The following ROBO2 variants were observed in gnomAD, a reference collection of about 807,000 sequenced individuals.
ROBO2 encodes roundabout homolog 2.
ROBO2 carries 53 observed loss-of-function variants against 160.8 expected under a neutral mutation model. The ratio of observed to expected loss-of-function variants is 0.33; its 90% confidence interval spans 0.26 to 0.41. The LOEUF (loss-of-function observed/expected upper bound fraction) is 0.41. Ranked by LOEUF, ROBO2 falls within the 10% of genes least tolerant of loss-of-function variation. The probability of loss-of-function intolerance (pLI) is 1.00; values close to 1 mark genes in which losing one functional copy is unlikely to be tolerated. For synonymous variants in ROBO2, 664 were observed against 611.7 expected (o/e 1.09, Z -1.26); for missense variants, 1,577 against 1,722.4 (o/e 0.92, Z 1.49).
intron 2 of ROBO2, among the ~76,000 whole-genome samples, chr3:76,991,183 T>C (rs538653572): frequency 3.3e-5 from 5 of 152,258 alleles, no homozygotes; most frequent in African/African-American, 7.2e-5. Context: ...AAATTCTCTC[T>C]TCTGAGGAGG....
intron 2 of ROBO2, among the ~76,000 whole-genome samples, chr3:76,182,299 A>G (rs1316702452): frequency 6.6e-6 from 1 of 152,160 alleles, no homozygotes; most frequent in Non-Finnish European, 1.5e-5. Context: ...TCCTGAACAC[A>G]TATATCCTTT....
intron 2 of ROBO2, among the ~76,000 whole-genome samples, chr3:76,545,436 C>T (rs1189351148): frequency 3.3e-5 from 5 of 151,858 alleles, no homozygotes; most frequent in East Asian, 1.9e-4. Flanking sequence ...CATTTCCCTT[C>T]GAAAATGTGG....
rs1023082173 is a variant in ROBO2, at chr3:76,472,864, G to A, written c.109+535262G>A. 2.0e-5 allele frequency among the ~76,000 whole-genome samples: 3 copies of A among 152,136 alleles called. No individual in the cohort carries two copies. In the East Asian group the frequency reaches 5.8e-4, roughly 29 times the overall value. On this transcript the variant is annotated intron_variant, in intron 2 of 26. Transcript: ENST00000487694. ...CAGGGAGATGTTGATAGATGTGATC[G>A]CTGGGACAGCATGTCAGTCTCATGA... is the stretch of plus-strand genomic sequence containing the variant.
intron 2 of ROBO2, among the ~76,000 whole-genome samples, chr3:76,212,161 A>G (rs572283862): frequency 6.6e-6 from 1 of 152,102 alleles, no homozygotes; most frequent in East Asian, 1.9e-4. Context: ...ATAATATACA[A>G]ATTTTATAAC....
Position 76,640,056 on chromosome 3 carries a change from G to A in ROBO2, c.110-457958G>A, listed in dbSNP as rs77136041. Among the ~76,000 whole-genome samples the A allele has an allele frequency of 8.8e-3, 1,338 of 152,256 alleles. 14 individuals are homozygous for A. Among genetic ancestry groups the A allele is most frequent in the African/African-American group, 0.03 (1,263 of 41,538 alleles). ...AGGTTTAGCATTTTTTAACTGCGTTGTACTTTCCGTACTAGACTTGAACAA... is the reference window on the plus strand; with the variant it reads ...AGGTTTAGCATTTTTTAACTGCGTTATACTTTCCGTACTAGACTTGAACAA... On this transcript the variant is annotated intron_variant, in intron 2 of 26. Transcript: ENST00000487694.
intron 2 of ROBO2, among the ~76,000 whole-genome samples, chr3:76,717,431 C>T (rs1456368469): frequency 2.0e-5 from 3 of 148,468 alleles, no homozygotes; most frequent in African/African-American, 7.5e-5. Flanking sequence ...GTGGAGGTTG[C>T]AGTGAGCCAA....
At chr3:77,287,270 C>T (rs1415103162) in intron 2 of ROBO2, among the ~76,000 whole-genome samples, 7 of 151,976 alleles carry the variant, frequency 4.6e-5, no homozygotes, top group Admixed American at 6.6e-5. Flanking sequence ...AATCTTATAG[C>T]GTAGAATTGC....
chr3:76,506,049 C>T (rs1001214577), intron 2 of ROBO2, among the ~76,000 whole-genome samples: 41 of 152,266 alleles, frequency 2.7e-4, no homozygotes, highest in African/African-American at 9.9e-4. Flanking sequence ...TGAATATGAG[C>T]ACCTGCATTC....
intron 2 of ROBO2, chr3:77,317,092 A>G: frequency 1.5e-6 from 2 of 1,365,586 alleles, no homozygotes; most frequent in Non-Finnish European, 2.1e-6. Context: ...CCTGTAGCCA[A>G]CTGCAAAGTT....
At chr3:76,145,447 A>T (rs1178121219) in intron 2 of ROBO2, among the ~76,000 whole-genome samples, 1 of 152,034 alleles carries the variant, frequency 6.6e-6, no homozygotes, top group Non-Finnish European at 1.5e-5. Context: ...GACAGGTCTG[A>T]TTATAATCAT....
chr3:77,091,667 C>T (rs2070280699), intron 1 of ROBO2, among the ~76,000 whole-genome samples: 1 of 151,976 alleles, frequency 6.6e-6, no homozygotes, highest in African/African-American at 2.4e-5. Flanking sequence ...TCTGATGCAC[C>T]TTGTTCACTA....
At chr3:76,803,477 G>GAAGGA (rs1560590755) in intron 2 of ROBO2, among the ~76,000 whole-genome samples, 50 of 65,492 alleles carry the variant, frequency 7.6e-4, no homozygotes, top group South Asian at 2.6e-3. Flanking sequence ...GGAAGGAAGG[G>GAAGGA]AGGGAGGGAG....
At chr3:77,146,554 G>T (rs1325081019) in intron 2 of ROBO2, among the ~76,000 whole-genome samples, 1 of 152,084 alleles carries the variant, frequency 6.6e-6, no homozygotes, top group Admixed American at 6.5e-5. Flanking sequence ...ATGATGAATT[G>T]TGACCTGGGT....
intron 2 of ROBO2, among the ~76,000 whole-genome samples, chr3:76,689,164 T>C (rs1012558634): frequency 1.1e-4 from 16 of 152,144 alleles, no homozygotes; most frequent in Admixed American, 3.3e-4. Flanking sequence ...TGGTATCTTA[T>C]TGACAAATTC....
rs186537436 is a variant in ROBO2 at position 76,484,318 on chromosome 3, T to C, written c.109+546716T>C. 5.9e-5 allele frequency among the ~76,000 whole-genome samples: 9 copies of C among 152,314 alleles called. No homozygotes were observed. In the East Asian group the frequency reaches 1.7e-3, roughly 29 times the overall value. On this transcript the variant is annotated intron_variant, in intron 2 of 26. Transcript: ENST00000487694. ...AATGGTTGGTAGGGCTACATCTTCT[T>C]CTTAATGTAAAATATATGTGCTTTT... is the stretch of plus-strand genomic sequence containing the variant.
chr3:76,681,283 T>G (rs1441823635), intron 2 of ROBO2, among the ~76,000 whole-genome samples: 1 of 152,126 alleles, frequency 6.6e-6, no homozygotes, highest in Non-Finnish European at 1.5e-5. Flanking sequence ...GGGGAAAGCA[T>G]AATTTGACCA....
At chr3:77,416,432 G>A (rs1236807617) in intron 2 of ROBO2, among the ~76,000 whole-genome samples, 2 of 152,040 alleles carry the variant, frequency 1.3e-5, no homozygotes, top group Non-Finnish European at 2.9e-5. Flanking sequence ...AAATTTATCT[G>A]CCGTGGCCTG....
chr3:76,948,345 T>A (rs1264901656), intron 2 of ROBO2, among the ~76,000 whole-genome samples: 2 of 152,126 alleles, frequency 1.3e-5, no homozygotes, highest in South Asian at 4.1e-4. Flanking sequence ...TATCAATTAA[T>A]GTTTTCTAAC....
exon 9 of ROBO2, chr3:77,558,119 G>A: frequency 1.2e-6 from 2 of 1,613,030 alleles, no homozygotes. Flanking sequence ...CAATTCAAGA[G>A]CAAGGCACAC....
Sources: allele counts gnomAD v4.1 joint callset (sites outside exome capture counted in the v4.1 genomes callset), GRCh38; gene constraint gnomAD v4.1.1; transcripts MANE v1.5; gene names NCBI Gene and HGNC (gene_info 2026-07-23, HGNC 2026-07-21).